PCSK2: variants seen among roughly 807,000 people sequenced by gnomAD.
PCSK2 encodes the protein neuroendocrine convertase 2.
In PCSK2, 14 loss-of-function variants were observed where a neutral mutation model predicts 69.7. The observed-to-expected ratio is 0.20, with a 90% CI of 0.13 to 0.31. The LOEUF is 0.31. PCSK2 is among the 10% of genes least tolerant of loss of function. The probability of loss-of-function intolerance (pLI) is 1.00; values close to 1 mark genes in which losing one functional copy is unlikely to be tolerated. For missense variants in PCSK2, 544 were observed against 842.5 expected (o/e 0.65, Z 4.39); for synonymous variants, 307 against 320.7 (o/e 0.96, Z 0.46).
chr20:17,427,602 G>A (rs749320246), intron 6 of PCSK2, among the ~76,000 whole-genome samples: 52 of 152,288 alleles, frequency 3.4e-4, no homozygotes, highest in Non-Finnish European at 6.6e-4. Context: ...AATTATTCCA[G>A]AATTCAGTAG....
intron 7 of PCSK2, among the ~76,000 whole-genome samples, chr20:17,432,029 C>T (rs1424912741): frequency 6.6e-6 from 1 of 152,170 alleles, no homozygotes; most frequent in East Asian, 1.9e-4. Context: ...TGAGGTCCTT[C>T]CCCAGCACCC....
At chr20:17,466,721 T>G (rs900557005) in intron 11 of PCSK2, among the ~76,000 whole-genome samples, 2 of 152,200 alleles carry the variant, frequency 1.3e-5, no homozygotes, top group South Asian at 2.1e-4. Context: ...ATCATTTGAG[T>G]GTTGATAAAT....
intron 6 of PCSK2, among the ~76,000 whole-genome samples, chr20:17,426,507 A>G (rs547765339): frequency 6.6e-6 from 1 of 152,370 alleles, no homozygotes; most frequent in East Asian, 1.9e-4. Flanking sequence ...TGTTTTAGTC[A>G]TGGTTCTCCA....
At chr20:17,391,859 A>T (rs550818301) in intron 5 of PCSK2, among the ~76,000 whole-genome samples, 6 of 151,648 alleles carry the variant, frequency 4.0e-5, no homozygotes, top group African/African-American at 1.5e-4. Flanking sequence ...TGACAGAGTG[A>T]TACCATGTGA....
chr20:17,471,062 G>A (rs560152898), intron 11 of PCSK2, among the ~76,000 whole-genome samples: 3 of 152,266 alleles, frequency 2.0e-5, no homozygotes, highest in Non-Finnish European at 2.9e-5. Flanking sequence ...CAAGCCAGAC[G>A]GACTTCTAAT....
At chr20:17,338,753 G>A (rs1270384449) in intron 2 of PCSK2, among the ~76,000 whole-genome samples, 1 of 152,018 alleles carries the variant, frequency 6.6e-6, no homozygotes, top group Non-Finnish European at 1.5e-5. Context: ...AGACAGGACT[G>A]GGACCTTCCT....
intron 2 of PCSK2, among the ~76,000 whole-genome samples, chr20:17,263,417 A>G (rs1402981532): frequency 1.3e-5 from 2 of 152,240 alleles, no homozygotes; most frequent in African/African-American, 2.4e-5. Flanking sequence ...GCCAAGTATC[A>G]TCATTTAGAT....
chr20:17,261,314 G>C (rs1353551463), intron 2 of PCSK2, among the ~76,000 whole-genome samples: 1 of 152,214 alleles, frequency 6.6e-6, no homozygotes, highest in East Asian at 1.9e-4. Context: ...TTTCACATGA[G>C]ATTCTTTTGA....
chr20:17,287,431 C>CTCTGTGTGTGTG (rs1555785127), intron 2 of PCSK2, among the ~76,000 whole-genome samples: 25 of 146,030 alleles, frequency 1.7e-4, no homozygotes, highest in Admixed American at 1.4e-3. Flanking sequence ...ATGTGCGTGT[C>CTCTGTGTGTGTG]TGTGTGTGTG....
intron 8 of PCSK2, among the ~76,000 whole-genome samples, chr20:17,448,178 G>A (rs1189160953): frequency 6.6e-6 from 1 of 152,120 alleles, no homozygotes; most frequent in Non-Finnish European, 1.5e-5. Context: ...GCTCTCCCAG[G>A]CTTGCCTCAC....
intron 2 of PCSK2, among the ~76,000 whole-genome samples, chr20:17,354,545 A>G (rs2030130107): frequency 6.6e-6 from 1 of 152,180 alleles, no homozygotes; most frequent in Admixed American, 6.5e-5. Flanking sequence ...TCTTTCCCAG[A>G]GGTCTTCTAA....
At chr20:17,302,795 T>A (rs777221159) in intron 2 of PCSK2, among the ~76,000 whole-genome samples, 7 of 152,208 alleles carry the variant, frequency 4.6e-5, no homozygotes, top group Non-Finnish European at 8.8e-5. Flanking sequence ...TGGTTACGAA[T>A]AGCATGGAAA....
chr20:17,281,257 C>G (rs994096665), intron 2 of PCSK2, among the ~76,000 whole-genome samples: 1 of 152,196 alleles, frequency 6.6e-6, no homozygotes, highest in Admixed American at 6.5e-5. Flanking sequence ...TCTCCCTTAT[C>G]GACAATGACC....
intron 2 of PCSK2, among the ~76,000 whole-genome samples, chr20:17,275,751 GA>G (rs1402376942): frequency 6.6e-6 from 1 of 152,086 alleles, no homozygotes; most frequent in African/African-American, 2.4e-5. Flanking sequence ...GCTTGGTCTG[GA>G]AAAAGAGGAG....
chr20:17,455,981 C>T (rs2032912047), intron 9 of PCSK2, among the ~76,000 whole-genome samples: 1 of 152,178 alleles, frequency 6.6e-6, no homozygotes, highest in Non-Finnish European at 1.5e-5. Context: ...GGCAGTGACT[C>T]ATGCCTGTAA....
intron 2 of PCSK2, among the ~76,000 whole-genome samples, chr20:17,265,171 A>G (rs1388960427): frequency 6.6e-6 from 1 of 152,068 alleles, no homozygotes; most frequent in African/African-American, 2.4e-5. Flanking sequence ...ACGGAGAAAA[A>G]TCTCCTCCCC....
At chr20:17,348,568 C>A (rs200344536) in intron 2 of PCSK2, among the ~76,000 whole-genome samples, 1 of 152,056 alleles carries the variant, frequency 6.6e-6, no homozygotes, top group East Asian at 1.9e-4. Context: ...TGTCAGTTTG[C>A]GAAGGCTCTC....
At chr20:17,391,592 G>C (rs1340978679) in intron 5 of PCSK2, among the ~76,000 whole-genome samples, 2 of 152,158 alleles carry the variant, frequency 1.3e-5, no homozygotes, top group African/African-American at 2.4e-5. Flanking sequence ...ACTAGTGGAG[G>C]CTGGAAGGCC....
At position 17,423,221 on chromosome 20, in the gene PCSK2, A is replaced by G. The variant is rs6044807; in HGVS notation, c.621-6214A>G. 9.4e-3 allele frequency among the ~76,000 whole-genome samples: 1,429 copies of G among 152,270 alleles called. 9 individuals carry two copies. Among genetic ancestry groups the G allele is most frequent in the South Asian group, 0.015 (74 of 4,828 alleles). The stretch of plus-strand genomic sequence containing the variant: ...GGAGACATAAGACATTAATCAATAC[A>G]TGTGAAGTAGACATTGGCTTGGTCT... On this transcript the variant is annotated intron_variant, in intron 6 of 11. Transcript: ENST00000262545.
Sources: gnomAD v4.1 joint callset for allele counts (sites outside exome capture counted in the v4.1 genomes callset) on GRCh38, gnomAD v4.1.1 for gene constraint, MANE v1.5 for transcripts, NCBI Gene and HGNC (gene_info 2026-07-23, HGNC 2026-07-21) for gene names.